Variants in CYP4X1 observed in about 807,000 individuals in gnomAD.
The protein encoded by CYP4X1 is cytochrome P450 4X1.
CYP4X1 carries 44 observed loss-of-function variants against 57.9 expected under a neutral mutation model. The ratio of observed to expected loss-of-function variants is 0.76; its 90% CI spans 0.60 to 0.98. The LOEUF (loss-of-function observed/expected upper bound fraction) is 0.98, where lower values mean the gene tolerates loss of function less well. Among genes scored for constraint, CYP4X1 ranks in the 50% least tolerant of loss-of-function variants. The probability of loss-of-function intolerance (pLI) is 0.00; values close to 1 mark genes in which losing one functional copy is unlikely to be tolerated. For missense variants in CYP4X1, 532 were observed against 623.9 expected (o/e 0.85, Z 1.57); for synonymous variants, 227 against 228.6 (o/e 0.99, Z 0.06).
At chr1:47,036,205 C>A in intron 6 of CYP4X1, 34 bp downstream of exon 6, 2 of 1,582,054 alleles carry the variant, frequency 1.3e-6, no homozygotes, top group South Asian at 1.2e-5. Context: ...CACGTCCATA[C>A]GCTGCCATGA....
chr1:47,001,020 G>A, the CYP4X1 span: 5 of 227,890 alleles, frequency 2.2e-5, no homozygotes, highest in Non-Finnish European at 1.0e-5. Context: ...ACAGCTTAAA[G>A]TTGAGTAGGG....
chr1:46,988,833 C>T, the CYP4X1 span, among the ~76,000 whole-genome samples: 1 of 152,020 alleles, frequency 6.6e-6, no homozygotes, highest in Admixed American at 6.6e-5. Context: ...CAGAAAAAGG[C>T]CTTCAATAAA....
chr1:46,982,348 C>G, the CYP4X1 span, among the ~76,000 whole-genome samples: 8 of 152,110 alleles, frequency 5.3e-5, no homozygotes, highest in African/African-American at 1.9e-4. Context: ...TGTCTGTCAT[C>G]TCAGCCATTT....
chr1:46,965,930 TC>T, the CYP4X1 span, among the ~76,000 whole-genome samples: 2 of 152,190 alleles, frequency 1.3e-5, no homozygotes, highest in Admixed American at 1.3e-4. Context: ...CAGGGAGATC[TC>T]ACTCAGTGAG....
upstream of CYP4X1, chr1:47,023,545 TA>T: frequency 8.3e-7 from 1 of 1,203,600 alleles, no homozygotes; most frequent in South Asian, 3.8e-5. Context: ...CTGTTGGACT[TA>T]AAAGAGGACG....
the CYP4X1 span, among the ~76,000 whole-genome samples, chr1:47,011,659 T>G: frequency 6.6e-6 from 1 of 152,176 alleles, no homozygotes; most frequent in Admixed American, 6.5e-5. Flanking sequence ...AATCTACCCA[T>G]CTGGCAAATG....
the CYP4X1 span, among the ~76,000 whole-genome samples, chr1:47,003,418 C>A: frequency 2.0e-5 from 3 of 152,282 alleles, no homozygotes; most frequent in East Asian, 3.9e-4. Context: ...CAGGTCCCTG[C>A]AATTTCCATC....
intron 2 of CYP4X1, 36 bp downstream of exon 2, chr1:47,030,167 C>A: frequency 6.3e-7 from 1 of 1,577,034 alleles, no homozygotes. Context: ...ACCTATTCCT[C>A]CTAGAAGTGA....
At chr1:47,032,521 T>C (rs1346985750) in intron 3 of CYP4X1, among the ~76,000 whole-genome samples, 1 of 152,242 alleles carries the variant, frequency 6.6e-6, no homozygotes, top group Non-Finnish European at 1.5e-5. Context: ...ATCATGAGCC[T>C]GGAATGTTGT....
At chr1:47,053,295 A>G (rs1336809094), downstream of CYP4X1, among the ~76,000 whole-genome samples, 4 of 151,916 alleles carry the variant, frequency 2.6e-5, no homozygotes, top group Admixed American at 6.6e-5. Flanking sequence ...TATGTGCCAC[A>G]TTTTCTTAAT....
At chr1:47,051,216 A>G (rs1052438978), downstream of CYP4X1, among the ~76,000 whole-genome samples, 2 of 152,192 alleles carry the variant, frequency 1.3e-5, no homozygotes, top group African/African-American at 4.8e-5. Context: ...GCAATCATTA[A>G]AAAGTCAGGA....
At chr1:47,015,087 C>T in the CYP4X1 span, among the ~76,000 whole-genome samples, 1 of 152,100 alleles carries the variant, frequency 6.6e-6, no homozygotes, top group Non-Finnish European at 1.5e-5. Flanking sequence ...AGCATGAATC[C>T]GTTTTACCAT....
chr1:47,001,471 C>T, the CYP4X1 span, among the ~76,000 whole-genome samples: 20 of 152,038 alleles, frequency 1.3e-4, no homozygotes, highest in Non-Finnish European at 2.5e-4. Context: ...ATAGGGAGAC[C>T]GACAGGCACC....
At chr1:46,987,145 A>G in the CYP4X1 span, among the ~76,000 whole-genome samples, 1 of 152,228 alleles carries the variant, frequency 6.6e-6, no homozygotes, top group South Asian at 2.1e-4. Context: ...ATACATGCAA[A>G]GACACACGTA....
chr1:46,963,998 C>G, the CYP4X1 span, among the ~76,000 whole-genome samples: 1 of 152,164 alleles, frequency 6.6e-6, no homozygotes, highest in Non-Finnish European at 1.5e-5. Context: ...TTCATTTGAT[C>G]TTCCATCACT....
At chr1:47,026,811 G>A (rs915603450) in intron 1 of CYP4X1, among the ~76,000 whole-genome samples, 20 of 151,902 alleles carry the variant, frequency 1.3e-4, no homozygotes, top group African/African-American at 4.8e-4. Context: ...TCCGCCTCTC[G>A]GATTCAAGCG....
intron 3 of CYP4X1, 65 bp from the exon 4 acceptor site, chr1:47,033,176 T>C (rs1644141704): frequency 1.3e-6 from 2 of 1,564,390 alleles, no homozygotes; most frequent in South Asian, 1.2e-5. Flanking sequence ...CTGCCTGTGT[T>C]CCTCATCTAT....
At chr1:46,961,641 C>G in the CYP4X1 span, 13 of 1,290,012 alleles carry the variant, frequency 1.0e-5, no homozygotes, top group African/African-American at 4.6e-5. Context: ...AAGTTCCCAC[C>G]CTGCTTATCA....
intron 2 of CYP4X1, among the ~76,000 whole-genome samples, chr1:47,030,366 G>A (rs772766204): frequency 3.0e-4 from 45 of 152,252 alleles, no homozygotes; most frequent in Admixed American, 1.7e-3. Context: ...TTAAAGCCTA[G>A]CTGGCATTAC....
Sources: allele counts gnomAD v4.1 joint callset (sites outside exome capture counted in the v4.1 genomes callset), GRCh38; gene constraint gnomAD v4.1.1; transcripts MANE v1.5; gene names NCBI Gene and HGNC (gene_info 2026-07-23, HGNC 2026-07-21).